SLC25A21: variants seen among roughly 807,000 people sequenced by gnomAD.
SLC25A21 encodes the protein mitochondrial 2-oxodicarboxylate carrier.
In SLC25A21, 47 loss-of-function variants were observed where a neutral mutation model predicts 43.8. The observed-to-expected ratio is 1.07, with a 90% CI of 0.85 to 1.37. The LOEUF (loss-of-function observed/expected upper bound fraction) is 1.37. Among genes scored for constraint, SLC25A21 ranks in the 40% most tolerant of loss-of-function variants. SLC25A21 has a pLI of 0.00. For synonymous variants in SLC25A21, 131 were observed against 121.3 expected (o/e 1.08, Z -0.52); for missense variants, 352 against 350.2 (o/e 1.00, Z -0.04).
At chr14:36,909,439 G>GA (rs1891624448) in intron 1 of SLC25A21, among the ~76,000 whole-genome samples, 1 of 152,154 alleles carries the variant, frequency 6.6e-6, no homozygotes, top group Non-Finnish European at 1.5e-5. Flanking sequence ...AAATAGTAAA[G>GA]CGTATTCAAC....
chr14:36,977,954 TAAAAAA>T lies in SLC25A21; in HGVS notation c.71-102956_71-102951del, dbSNP rs36000189. ...TGATTACAAAGCTTTTTTTTTTTTT[TAAAAAA>T]AAAAAAAGACAATTAGTTTGAACTT... On this transcript the variant is annotated intron_variant, in intron 1 of 9. Coordinates refer to ENST00000331299, the MANE Select transcript of SLC25A21 (RefSeq NM_030631.4). Among the ~76,000 whole-genome samples, 13 of 121,098 alleles carry T rather than the reference TAAAAAA, an allele frequency of 1.1e-4. No homozygotes were observed. In the East Asian group the frequency reaches 1.7e-3, roughly 16 times the overall value. 79.4% of individuals were successfully genotyped at this position (121,098 alleles called of 152,430 possible). A position where few individuals can be genotyped will look rare whatever the true frequency, so the allele number is the denominator to read the frequency against.
chr14:36,941,146 C>T lies in SLC25A21; in HGVS notation c.71-66142G>A, dbSNP rs187266606. ...CACTATTTAGTATCAAACCAAACTC[C>T]GGGAGTACACAGAGGGCCTTCCTAC... On this transcript the variant is annotated intron_variant, in intron 1 of 9. Transcript: ENST00000331299. 9.4e-4 allele frequency among the ~76,000 whole-genome samples: 140 copies of T among 148,726 alleles called. 2 individuals are homozygous for T. The highest frequency in any genetic ancestry group is 3.4e-3 in the African/African-American group (130 of 38,466).
intron 1 of SLC25A21, among the ~76,000 whole-genome samples, chr14:37,113,197 A>G (rs1963049794): frequency 1.3e-5 from 2 of 152,166 alleles, no homozygotes; most frequent in Admixed American, 6.5e-5. Flanking sequence ...CATTCTACCT[A>G]TGGCTGGCTA....
chr14:36,882,056 A>C (rs1033911031), intron 1 of SLC25A21, among the ~76,000 whole-genome samples: 1 of 152,166 alleles, frequency 6.6e-6, no homozygotes, highest in Non-Finnish European at 1.5e-5. Flanking sequence ...TGCATGCACT[A>C]ATTATTTTAC....
chr14:36,852,077 T>C (rs1458335486), intron 2 of SLC25A21, among the ~76,000 whole-genome samples: 1 of 152,186 alleles, frequency 6.6e-6, no homozygotes, highest in Non-Finnish European at 1.5e-5. Flanking sequence ...ATTTTTGCAG[T>C]TGTAGTCTTT....
chr14:36,812,511 TACAC>T (rs1888306701), intron 3 of SLC25A21, among the ~76,000 whole-genome samples: 1 of 150,490 alleles, frequency 6.6e-6, no homozygotes, highest in Admixed American at 6.6e-5. Flanking sequence ...AATATATAGA[TACAC>T]ACAAATGTGC....
intron 3 of SLC25A21, among the ~76,000 whole-genome samples, chr14:36,794,465 G>GAT (rs1383786539): frequency 1.8e-4 from 28 of 152,088 alleles, no homozygotes; most frequent in South Asian, 4.2e-4. Flanking sequence ...GCTTATTGAT[G>GAT]ATATATATAT....
chr14:36,978,659 TACTC>T (rs1287931985), intron 1 of SLC25A21, among the ~76,000 whole-genome samples: 3 of 152,208 alleles, frequency 2.0e-5, no homozygotes, highest in African/African-American at 2.4e-5. Flanking sequence ...AATAATTAAA[TACTC>T]ACATAGTTTT....
At chr14:36,809,749 C>T (rs889923008) in intron 3 of SLC25A21, among the ~76,000 whole-genome samples, 1 of 152,112 alleles carries the variant, frequency 6.6e-6, no homozygotes, top group African/African-American at 2.4e-5. Context: ...GCTCTCAAAA[C>T]CTTTAACTTA....
At chr14:36,999,552 A>G (rs1342014831) in intron 1 of SLC25A21, among the ~76,000 whole-genome samples, 1 of 152,186 alleles carries the variant, frequency 6.6e-6, no homozygotes, top group Admixed American at 6.6e-5. Flanking sequence ...CATCAATTGT[A>G]ACAAATGTAC....
chr14:36,718,149 A>G (rs1338656754), intron 6 of SLC25A21, among the ~76,000 whole-genome samples: 3 of 152,198 alleles, frequency 2.0e-5, no homozygotes, highest in Admixed American at 1.3e-4. Context: ...TATTATCATT[A>G]TTTCAAAGTC....
rs567540421 is a variant in SLC25A21 at position 37,172,420 on chromosome 14, T to C, written c.-70A>G. 25 of 1,482,540 alleles carry C rather than the reference T, an allele frequency of 1.7e-5. No homozygotes were observed. The Admixed American group carries it at 2.7e-4, about 16-fold the overall frequency. 91.8% of individuals were successfully genotyped at this position (1,482,540 alleles called of 1,614,324 possible). On this transcript the variant is annotated 5_prime_UTR_variant, in exon 1 of 10. Transcript: ENST00000331299. ...CGAGCTCGCAGCCTGCACAGCCTACTGATCCAGAGAGCCCCGGCTGGGCTG... is the reference window on the plus strand; with the variant it reads ...CGAGCTCGCAGCCTGCACAGCCTACCGATCCAGAGAGCCCCGGCTGGGCTG...
At chr14:36,804,725 A>T (rs1157889394) in intron 3 of SLC25A21, among the ~76,000 whole-genome samples, 1 of 152,246 alleles carries the variant, frequency 6.6e-6, no homozygotes, top group Non-Finnish European at 1.5e-5. Flanking sequence ...TGATGAAAAT[A>T]AACTATGAAC....
At chr14:37,152,836 G>C (rs572775591) in intron 1 of SLC25A21, among the ~76,000 whole-genome samples, 33 of 152,284 alleles carry the variant, frequency 2.2e-4, no homozygotes, top group Non-Finnish European at 3.8e-4. Flanking sequence ...TCAAATAGGG[G>C]AGAAAGGTTC....
intron 1 of SLC25A21, among the ~76,000 whole-genome samples, chr14:37,128,538 CTGTGTGTGTGTG>C (rs367948974): frequency 1.2e-3 from 147 of 122,796 alleles, no homozygotes; most frequent in South Asian, 4.5e-3. Flanking sequence ...CTCTCTCTCT[CTGTGTGTGTGTG>C]TGTGTGTGTG....
At chr14:36,977,332 CTG>C (rs1286347688) in intron 1 of SLC25A21, among the ~76,000 whole-genome samples, 1 of 152,170 alleles carries the variant, frequency 6.6e-6, no homozygotes, top group African/African-American at 2.4e-5. Context: ...GAGGAGGACT[CTG>C]TCTCATATTC....
intron 3 of SLC25A21, among the ~76,000 whole-genome samples, chr14:36,734,925 C>T (rs1289251133): frequency 1.3e-5 from 2 of 152,144 alleles, no homozygotes; most frequent in East Asian, 1.9e-4. Context: ...CATTTCCTCC[C>T]TTGTGGCAAC....
chr14:36,806,009 G>GT (rs1424783457), intron 3 of SLC25A21, among the ~76,000 whole-genome samples: 1 of 151,932 alleles, frequency 6.6e-6, no homozygotes, highest in African/African-American at 2.4e-5. Context: ...GAGGTCAGGA[G>GT]TTTGAGACCA....
In SLC25A21 at chr14:36,750,750, T is replaced by C. The variant is rs142295347; in HGVS notation, c.204-16177A>G. 1.2e-3 allele frequency among the ~76,000 whole-genome samples: 188 copies of C among 152,282 alleles called. 2 individuals carry two copies. Among genetic ancestry groups the C allele is most frequent in the African/African-American group, 4.3e-3 (177 of 41,554 alleles). On this transcript the variant is annotated intron_variant, in intron 3 of 9. Transcript: ENST00000331299. ...AAACTACTCTATCACGCTAATGAAG[T>C]AGGGCTGCTCTTACCCAGATGACTA... is the stretch of plus-strand genomic sequence containing the variant.
Sources: gnomAD v4.1 joint callset for allele counts (sites outside exome capture counted in the v4.1 genomes callset) on GRCh38, gnomAD v4.1.1 for gene constraint, MANE v1.5 for transcripts, NCBI Gene and HGNC (gene_info 2026-07-23, HGNC 2026-07-21) for gene names.